ANKHD1: variants seen among roughly 807,000 people sequenced by gnomAD.
ANKHD1 encodes the protein ankyrin repeat and KH domain containing 1.
In ANKHD1, 31 loss-of-function variants were observed where a neutral mutation model predicts 230.5. That is an observed-to-expected ratio of 0.13 (90% CI 0.10 to 0.18). The LOEUF is 0.18. Among genes scored for constraint, ANKHD1 ranks in the 10% least tolerant of loss-of-function variants. The pLI, the probability that ANKHD1 is intolerant of heterozygous loss-of-function variation, is 1.00. For synonymous variants in ANKHD1, 1,074 were observed against 1,117.6 expected (o/e 0.96, Z 0.78); for missense variants, 2,256 against 3,071.3 (o/e 0.73, Z 6.27).
At chr5:140,536,741 T>C (rs979545298) in intron 30 of ANKHD1, among the ~76,000 whole-genome samples, 2 of 152,138 alleles carry the variant, frequency 1.3e-5, no homozygotes, top group Admixed American at 1.3e-4. Context: ...TTTTCAAATG[T>C]GGCTGGGCGT....
At chr5:140,410,880 CAG>C (rs1770870641) in intron 1 of ANKHD1, among the ~76,000 whole-genome samples, 1 of 151,922 alleles carries the variant, frequency 6.6e-6, no homozygotes, top group East Asian at 1.9e-4. Context: ...AGTGTAGGCT[CAG>C]AGAGTTTTTA....
In ANKHD1 at chr5:140,528,920, G is replaced by C. The variant is rs772955377; in HGVS notation, c.5974G>C (p.Ala1992Pro). 232 of 1,614,056 alleles carry C rather than the reference G, an allele frequency of 1.4e-4. No homozygotes were observed. The highest frequency in any genetic ancestry group is 1.4e-5 in the Non-Finnish European group (16 of 1,180,048). ...TAGTTCCCTGCCTTCTGTCTCCTCT[G>C]CACCTATCACTAGCGGGCAAGCTCC... Reference protein sequence around the residue: ...TCSSLPSVSSAPITSGQAPTT... With the variant: ...TCSSLPSVSSPPITSGQAPTT... The change falls in exon 29 of 34, where the codon GCA (alanine) becomes CCA (proline). Residue 1992 changes from alanine (A) to proline (P), a missense_variant. Coordinates refer to ENST00000360839, the MANE Select transcript of ANKHD1 (RefSeq NM_017747.3).
chr5:140,415,136 C>A (rs531814301), intron 1 of ANKHD1, among the ~76,000 whole-genome samples: 2 of 151,984 alleles, frequency 1.3e-5, no homozygotes, highest in Non-Finnish European at 2.9e-5. Context: ...ATAATCCCAG[C>A]GCTTTGGGGG....
chr5:140,435,714 T>A (rs961176271), intron 1 of ANKHD1, among the ~76,000 whole-genome samples: 8 of 152,014 alleles, frequency 5.3e-5, no homozygotes, highest in Admixed American at 3.9e-4. Flanking sequence ...TTTTTTTTTT[T>A]AATAGATATG....
intron 15 of ANKHD1, chr5:140,498,206 C>T (rs1752119214): frequency 6.6e-6 from 1 of 152,256 alleles, no homozygotes; most frequent in Non-Finnish European, 1.5e-5. Flanking sequence ...GGCCAGTCCT[C>T]TGTCTCTTGA....
intron 24 of ANKHD1, among the ~76,000 whole-genome samples, chr5:140,519,098 C>G (rs990900375): frequency 1.3e-5 from 2 of 152,168 alleles, no homozygotes; most frequent in African/African-American, 2.4e-5. Context: ...TTTCAGGATA[C>G]AAAATCAATG....
At chr5:140,412,800 A>G (rs893358632) in intron 1 of ANKHD1, among the ~76,000 whole-genome samples, 2 of 152,202 alleles carry the variant, frequency 1.3e-5, no homozygotes, top group Admixed American at 6.5e-5. Context: ...ACTTATGATG[A>G]TTGACTAGTT....
In ANKHD1 at chr5:140,528,299, A is replaced by G. The variant is rs1263910824; in HGVS notation, c.5353A>G (p.Thr1785Ala). 1.2e-6 allele frequency: 2 copies of G among 1,613,938 alleles called. No individual in the cohort carries two copies. Among genetic ancestry groups the G allele is most frequent in the East Asian group, 4.5e-5 (2 of 44,880 alleles). ...AAATCATATCAGAACACCTGCCAGC[A>G]CCAAATCAATTCATGCTAACTTCTC... is the stretch of plus-strand genomic sequence containing the variant. ...PKNHIRTPAS[T>A]KSIHANFSSG... The change falls in exon 29 of 34, where the codon ACC becomes GCC. Residue 1785 changes from threonine to alanine, a missense_variant. Transcript: ENST00000360839.
At chr5:140,460,947 C>G (rs927894749) in intron 9 of ANKHD1, among the ~76,000 whole-genome samples, 1 of 152,102 alleles carries the variant, frequency 6.6e-6, no homozygotes, top group Non-Finnish European at 1.5e-5. Flanking sequence ...CATTTTTCCC[C>G]TATCATTTTT....
chr5:140,513,686 G>A (rs1483807425), intron 24 of ANKHD1, among the ~76,000 whole-genome samples: 1 of 151,978 alleles, frequency 6.6e-6, no homozygotes, highest in Non-Finnish European at 1.5e-5. Context: ...GCACACCCCT[G>A]TAATCCCAGC....
intron 1 of ANKHD1, among the ~76,000 whole-genome samples, chr5:140,423,862 G>A (rs536152564): frequency 6.6e-6 from 1 of 152,232 alleles, no homozygotes; most frequent in Admixed American, 6.5e-5. Context: ...TGAGTCATTA[G>A]GACTTCTCAC....
At chr5:140,471,884 C>T (rs1384068143) in intron 10 of ANKHD1, among the ~76,000 whole-genome samples, 1 of 152,072 alleles carries the variant, frequency 6.6e-6, no homozygotes, top group Non-Finnish European at 1.5e-5. Context: ...TCTGATATGC[C>T]CAAATCTCTT....
intron 15 of ANKHD1, among the ~76,000 whole-genome samples, chr5:140,503,516 T>G (rs1169833237): frequency 1.3e-5 from 2 of 148,484 alleles, no homozygotes; most frequent in Non-Finnish European, 3.0e-5. Flanking sequence ...TTTTCAGAGA[T>G]ATAAAATACA....
chr5:140,411,718 T>G (rs1770940326), intron 1 of ANKHD1, among the ~76,000 whole-genome samples: 1 of 151,916 alleles, frequency 6.6e-6, no homozygotes, highest in South Asian at 2.1e-4. Context: ...GAGATGGGGT[T>G]TCACCATGTT....
intron 1 of ANKHD1, among the ~76,000 whole-genome samples, chr5:140,416,593 T>TAGC (rs1771414407): frequency 6.6e-6 from 1 of 152,188 alleles, no homozygotes; most frequent in African/African-American, 2.4e-5. Context: ...TTGATTACTG[T>TAGC]AGCTTTATAG....
At chr5:140,462,940 G>C (rs1039724298) in intron 9 of ANKHD1, among the ~76,000 whole-genome samples, 1 of 151,828 alleles carries the variant, frequency 6.6e-6, no homozygotes, top group African/African-American at 2.4e-5. Flanking sequence ...TGAACTCCTG[G>C]GCTCAAGGGA....
intron 10 of ANKHD1, among the ~76,000 whole-genome samples, chr5:140,475,419 A>T (rs1750907052): frequency 6.6e-6 from 1 of 152,228 alleles, no homozygotes; most frequent in East Asian, 1.9e-4. Flanking sequence ...GTCTACTTGA[A>T]TAAAGCAAGG....
At position 140,457,088 on chromosome 5, in the gene ANKHD1, C is replaced by A. The variant is rs574027216; in HGVS notation, c.1243-1537C>A. On this transcript the variant is annotated intron_variant, in intron 7 of 33. Coordinates refer to ENST00000360839, the MANE Select transcript of ANKHD1 (RefSeq NM_017747.3). ...CAAAAGAAGACATTTATGCAGCCAA[C>A]AGACACATGAAAAAATGCTCCTCAT... Among the ~76,000 whole-genome samples, 29 of 152,262 alleles carry A rather than the reference C, an allele frequency of 1.9e-4. 1 individual carries two copies. The highest frequency in any genetic ancestry group is 3.7e-4 in the Non-Finnish European group (25 of 68,012).
chr5:140,454,259 A>G (rs1196555286), intron 7 of ANKHD1, among the ~76,000 whole-genome samples: 3 of 152,126 alleles, frequency 2.0e-5, no homozygotes, highest in Non-Finnish European at 4.4e-5. Flanking sequence ...CACAATAATA[A>G]TGGGAGACTT....
Sources: allele counts gnomAD v4.1 joint callset (sites outside exome capture counted in the v4.1 genomes callset), GRCh38; gene constraint gnomAD v4.1.1; transcripts MANE v1.5; gene names NCBI Gene and HGNC (gene_info 2026-07-23, HGNC 2026-07-21).